Variants in CERT1 observed in about 807,000 individuals in gnomAD.
The protein encoded by CERT1 is ceramide transfer protein.
CERT1 carries 31 observed loss-of-function variants against 87.9 expected under a neutral mutation model. The observed-to-expected ratio is 0.35, with a 90% CI of 0.27 to 0.48. The LOEUF (loss-of-function observed/expected upper bound fraction) is 0.48. Ranked by LOEUF, CERT1 falls within the 20% of genes least tolerant of loss-of-function variation. The probability of loss-of-function intolerance (pLI) is 0.99; values close to 1 mark genes in which losing one functional copy is unlikely to be tolerated. For synonymous variants in CERT1, 289 were observed against 250.9 expected, an observed-to-expected ratio of 1.15 and a Z score of -1.44; for missense variants, 487 against 758.0, an observed-to-expected ratio of 0.64 and a Z score of 4.20.
intron 2 of CERT1, among the ~76,000 whole-genome samples, chr5:75,474,614 T>A (rs1247674207): frequency 2.0e-5 from 3 of 152,112 alleles, no homozygotes; most frequent in Non-Finnish European, 4.4e-5. Flanking sequence ...TCTCATGTAG[T>A]CTATTAGACT....
In CERT1 at chr5:75,431,781, G is replaced by T. The variant is rs183846976; in HGVS notation, c.349-5303C>A. Among the ~76,000 whole-genome samples the T allele has an allele frequency of 7.2e-5, 11 of 152,266 alleles. No individual in the cohort carries two copies. In the East Asian group the frequency reaches 2.1e-3, roughly 29 times the overall value. On this transcript the variant is annotated intron_variant, in intron 3 of 16. Transcript: ENST00000643780. ...TTATGGCTGTGTAGTATTCCATGGG[G>T]TATATATGCCACATTTTATTTATCC...
At chr5:75,420,793 T>C (rs1325468613) in intron 5 of CERT1, among the ~76,000 whole-genome samples, 1 of 152,150 alleles carries the variant, frequency 6.6e-6, no homozygotes, top group Non-Finnish European at 1.5e-5. Flanking sequence ...CCAACATTAT[T>C]TGCTGCTTTT....
intron 2 of CERT1, among the ~76,000 whole-genome samples, chr5:75,498,527 G>A (rs1767185474): frequency 6.6e-6 from 1 of 152,228 alleles, no homozygotes; most frequent in South Asian, 2.1e-4. Flanking sequence ...AGGGGTCAAG[G>A]CCACTCTGAG....
At chr5:75,425,723 A>T (rs943931828) in intron 4 of CERT1, among the ~76,000 whole-genome samples, 2 of 152,252 alleles carry the variant, frequency 1.3e-5, no homozygotes, top group Non-Finnish European at 2.9e-5. Flanking sequence ...TAACCTCGTG[A>T]TATCACTTAT....
intron 12 of CERT1, among the ~76,000 whole-genome samples, chr5:75,388,638 A>C (rs200839723): frequency 0.012 from 1,248 of 107,530 alleles, 21 homozygotes; most frequent in African/African-American, 0.04. Flanking sequence ...ATATATATAT[A>C]TATCTCACAC....
At chr5:75,374,921 T>C (rs778551874), downstream of CERT1, 5 of 337,070 alleles carry the variant, frequency 1.5e-5, no homozygotes, top group Non-Finnish European at 2.9e-5. Context: ...GGTGAGAATT[T>C]TGTGTGTGTG....
chr5:75,472,884 T>C lies in CERT1; in HGVS notation c.232-13703A>G, dbSNP rs561411321. ...TCGAAAAATTAAAAAAAAACTACCA[T>C]ATAATTCAGTAATGCCACTCCTTGG... is the stretch of plus-strand genomic sequence containing the variant. On this transcript the variant is annotated intron_variant, in intron 2 of 16. Transcript: ENST00000643780. Among the ~76,000 whole-genome samples, 118 of 152,208 alleles carry C rather than the reference T, an allele frequency of 7.8e-4. No individual in the cohort carries two copies. The Middle Eastern group carries it at 0.01, about 13-fold the overall frequency.
chr5:75,374,043 C>T, downstream of CERT1: 1 of 398,462 alleles, frequency 2.5e-6, no homozygotes, highest in Non-Finnish European at 4.4e-6. Context: ...TTCAGCTTTG[C>T]TATTGCAATA....
At chr5:75,501,614 C>A (rs1767372265) in intron 2 of CERT1, among the ~76,000 whole-genome samples, 1 of 152,110 alleles carries the variant, frequency 6.6e-6, no homozygotes, top group Admixed American at 6.5e-5. Flanking sequence ...TGATGAAATA[C>A]CCACAATATA....
At chr5:75,499,833 G>A (rs1767259756) in intron 2 of CERT1, among the ~76,000 whole-genome samples, 1 of 152,184 alleles carries the variant, frequency 6.6e-6, no homozygotes, top group African/African-American at 2.4e-5. Flanking sequence ...TGGGGCTCTT[G>A]GCTTAACAGA....
At chr5:75,427,673 A>G (rs1763678205) in intron 3 of CERT1, among the ~76,000 whole-genome samples, 1 of 152,174 alleles carries the variant, frequency 6.6e-6, no homozygotes, top group Non-Finnish European at 1.5e-5. Flanking sequence ...CTTTGACAAT[A>G]TATCATATCT....
At chr5:75,374,380 G>A (rs1403874865), downstream of CERT1, 8 of 535,486 alleles carry the variant, frequency 1.5e-5, no homozygotes, top group Non-Finnish European at 2.6e-5. Flanking sequence ...TATTCCATCA[G>A]CAAGGAATCA....
At chr5:75,406,516 G>A (rs142835278) in intron 8 of CERT1, among the ~76,000 whole-genome samples, 1 of 151,340 alleles carries the variant, frequency 6.6e-6, no homozygotes, top group Non-Finnish European at 1.5e-5. Context: ...TCCAAGCCTA[G>A]TGTAGTGCCC....
At chr5:75,509,227 G>T (rs867505190) in intron 1 of CERT1, among the ~76,000 whole-genome samples, 17 of 152,180 alleles carry the variant, frequency 1.1e-4, no homozygotes, top group Middle Eastern at 6.8e-3. Flanking sequence ...GGAAGGAAAA[G>T]AACAAAATCC....
At chr5:75,505,933 A>G in intron 2 of CERT1, 49 bp downstream of exon 2, 4 of 1,469,322 alleles carry the variant, frequency 2.7e-6, no homozygotes, top group Non-Finnish European at 3.8e-6. Flanking sequence ...CCTGGTATGT[A>G]GCTGACACTC....
chr5:75,505,888 T>C (rs981890593), intron 2 of CERT1, 94 bp downstream of exon 2: 2 of 905,086 alleles, frequency 2.2e-6, no homozygotes, highest in Non-Finnish European at 3.4e-6. Flanking sequence ...ATCTTTATCT[T>C]ATCCACGGAT....
downstream of CERT1, chr5:75,376,671 G>C (rs189696104): frequency 6.6e-5 from 10 of 152,322 alleles, no homozygotes; most frequent in Admixed American, 4.6e-4. Flanking sequence ...TGCTTGAAGA[G>C]AGAATCCCTA....
At chr5:75,410,246 A>G (rs1176315323) in intron 8 of CERT1, among the ~76,000 whole-genome samples, 2 of 152,236 alleles carry the variant, frequency 1.3e-5, no homozygotes, top group Non-Finnish European at 2.9e-5. Context: ...AAACACAAGG[A>G]GAAAAAAGCT....
At chr5:75,457,262 T>C (rs1173299922) in intron 3 of CERT1, among the ~76,000 whole-genome samples, 1 of 152,196 alleles carries the variant, frequency 6.6e-6, no homozygotes, top group African/African-American at 2.4e-5. Flanking sequence ...AATGGGGAAA[T>C]ACATCAGTCA....
Sources: allele counts gnomAD v4.1 joint callset (sites outside exome capture counted in the v4.1 genomes callset), GRCh38; gene constraint gnomAD v4.1.1; transcripts MANE v1.5; gene names NCBI Gene and HGNC (gene_info 2026-07-23, HGNC 2026-07-21).